Variants in KIF6 observed in about 807,000 individuals in gnomAD.
The protein encoded by KIF6 is kinesin family member 6, also known as kinesin-like protein KIF6.
Under a neutral mutation model 112.7 loss-of-function variants are expected in KIF6, and 106 were observed. The ratio of observed to expected loss-of-function variants is 0.94; its 90% CI spans 0.80 to 1.11. KIF6 has a LOEUF of 1.11. Among genes scored for constraint, KIF6 ranks in the 50% least tolerant of loss-of-function variants. The probability of loss-of-function intolerance (pLI) is 0.00; values close to 1 mark genes in which losing one functional copy is unlikely to be tolerated. For synonymous variants in KIF6, 339 were observed against 339.9 expected (o/e 1.00, Z 0.03); for missense variants, 929 against 964.0 (o/e 0.96, Z 0.48).
chr6:39,641,680 A>G (rs1784909805), intron 3 of KIF6, among the ~76,000 whole-genome samples: 1 of 152,108 alleles, frequency 6.6e-6, no homozygotes, highest in Non-Finnish European at 1.5e-5. Flanking sequence ...GAAACAAAAA[A>G]AAAAGGAAAA....
intron 3 of KIF6, among the ~76,000 whole-genome samples, chr6:39,659,250 G>T (rs1355139082): frequency 1.3e-5 from 2 of 152,142 alleles, no homozygotes; most frequent in African/African-American, 4.8e-5. Flanking sequence ...TTACTGAAGA[G>T]TATCTGGGCC....
At chr6:39,574,248 TAGTA>T in intron 10 of KIF6, among the ~76,000 whole-genome samples, 1 of 152,176 alleles carries the variant, frequency 6.6e-6, no homozygotes, top group East Asian at 1.9e-4. Flanking sequence ...TATTATACAA[TAGTA>T]AGAATCATAA....
intron 16 of KIF6, among the ~76,000 whole-genome samples, chr6:39,380,821 C>T (rs1766871751): frequency 6.6e-6 from 1 of 152,176 alleles, no homozygotes; most frequent in Non-Finnish European, 1.5e-5. Context: ...CAGATCACTT[C>T]AAAAGCACAG....
intron 15 of KIF6, among the ~76,000 whole-genome samples, chr6:39,390,611 G>C (rs35376357): frequency 0.036 from 5,490 of 152,214 alleles, 176 homozygotes; most frequent in Non-Finnish European, 0.048. Context: ...CTGGGGTCCT[G>C]GGTAATTACT....
At chr6:39,354,086 C>T (rs150752234) in intron 19 of KIF6, 284 of 336,770 alleles carry the variant, frequency 8.4e-4, no homozygotes, top group Admixed American at 2.9e-3. Context: ...TTTGCTCCCT[C>T]CTGTTGCAAC....
At chr6:39,511,218 G>C (rs1373356732) in intron 13 of KIF6, among the ~76,000 whole-genome samples, 1 of 152,106 alleles carries the variant, frequency 6.6e-6, no homozygotes, top group African/African-American at 2.4e-5. Flanking sequence ...GTAATATCCA[G>C]AATCTACAAA....
At chr6:39,646,966 C>T (rs1785200542) in intron 3 of KIF6, among the ~76,000 whole-genome samples, 1 of 152,076 alleles carries the variant, frequency 6.6e-6, no homozygotes, top group Non-Finnish European at 1.5e-5. Context: ...ATAAGCAGTC[C>T]CAAGGGGCAA....
chr6:39,578,240 ATTATGGACAATT>A (rs1199055243), intron 9 of KIF6, 81 bp from the exon 10 acceptor site: 59 of 875,794 alleles, frequency 6.7e-5, no homozygotes, highest in Non-Finnish European at 1.1e-4. Flanking sequence ...AGCTCTTAAA[ATTATGGACAATT>A]TTATGGACAC....
In KIF6 at chr6:39,720,784, A is replaced by C; in HGVS notation, c.94T>G (p.Leu32Val). The change falls in exon 2 of 23, where the codon TTA becomes GTA. Residue 32 changes from leucine (L) to valine (V), a missense_variant. Leu to Val is a conservative substitution (Grantham distance 32, BLOSUM62 1). Around this residue, in one of 2 missense-constraint regions of KIF6, gnomAD observed 688 missense variants for 662.7 expected, o/e 1.04. Coordinates refer to ENST00000287152, the MANE Select transcript of KIF6 (RefSeq NM_145027.6). ...AAGATGATTTCCAAGCTAGGTATTA[A>C]TTTTTCATCTTCATCTATGGAATAA... ...GIYSIDEDEK[L>V]IPSLEIILPR... 1 of 1,594,898 alleles carries C rather than the reference A, an allele frequency of 6.3e-7. No homozygotes were observed. Among genetic ancestry groups the C allele is most frequent in the Non-Finnish European group, 8.6e-7 (1 of 1,162,540 alleles).
intron 6 of KIF6, among the ~76,000 whole-genome samples, chr6:39,608,608 T>G (rs1162677879): frequency 1.3e-5 from 2 of 152,214 alleles, no homozygotes; most frequent in East Asian, 1.9e-4. Context: ...TATAAAGACC[T>G]CTAATCCCTC....
At chr6:39,562,703 T>C (rs1345143179) in intron 10 of KIF6, among the ~76,000 whole-genome samples, 2 of 152,188 alleles carry the variant, frequency 1.3e-5, no homozygotes, top group African/African-American at 4.8e-5. Context: ...GAAAATTATA[T>C]TAGACTACAT....
At chr6:39,542,635 C>T (rs894296224) in intron 12 of KIF6, among the ~76,000 whole-genome samples, 4 of 152,126 alleles carry the variant, frequency 2.6e-5, no homozygotes, top group Non-Finnish European at 2.9e-5. Flanking sequence ...TTTTCTTAGT[C>T]GTTGGTCTTT....
chr6:39,685,451 G>C (rs1417244224), intron 3 of KIF6, among the ~76,000 whole-genome samples: 1 of 152,194 alleles, frequency 6.6e-6, no homozygotes, highest in Non-Finnish European at 1.5e-5. Flanking sequence ...GTGAGAGCAA[G>C]GGAAGGGAAT....
intron 13 of KIF6, among the ~76,000 whole-genome samples, chr6:39,526,297 G>GT (rs1172776903): frequency 6.6e-6 from 1 of 152,158 alleles, no homozygotes; most frequent in Non-Finnish European, 1.5e-5. Flanking sequence ...TAGAATCTGT[G>GT]TTTTTTGTTC....
intron 19 of KIF6, among the ~76,000 whole-genome samples, chr6:39,354,702 G>T (rs1039010058): frequency 6.6e-6 from 1 of 152,172 alleles, no homozygotes; most frequent in African/African-American, 2.4e-5. Context: ...GTGGCCCACA[G>T]CAAGCAGCCT....
intron 15 of KIF6, among the ~76,000 whole-genome samples, chr6:39,418,401 T>C (rs797009749): frequency 2.8e-4 from 42 of 152,342 alleles, no homozygotes; most frequent in African/African-American, 9.9e-4. Flanking sequence ...GTTATCAAAA[T>C]TGTAAAACCT....
rs540392966 is a variant in KIF6, at chr6:39,632,135, C to T, written c.509+2714G>A. ...CAAAATCCACAGACAGTTTTATAGG[C>T]AAAAGTTCTGCAAGAGCAGGCAAGT... On this transcript the variant is annotated intron_variant, in intron 5 of 22. Coordinates refer to ENST00000287152, the MANE Select transcript of KIF6 (RefSeq NM_145027.6). 3.3e-5 allele frequency among the ~76,000 whole-genome samples: 5 copies of T among 151,398 alleles called. No homozygotes were observed. In the South Asian group the frequency reaches 1.0e-3, roughly 32 times the overall value.
At chr6:39,649,318 C>A (rs1785338149) in intron 3 of KIF6, among the ~76,000 whole-genome samples, 1 of 152,096 alleles carries the variant, frequency 6.6e-6, no homozygotes, top group South Asian at 2.1e-4. Context: ...CAACCTAAAC[C>A]AAATCATCAA....
chr6:39,552,770 T>C (rs374249344), intron 10 of KIF6, among the ~76,000 whole-genome samples: 4 of 152,172 alleles, frequency 2.6e-5, no homozygotes, highest in East Asian at 3.8e-4. Flanking sequence ...AAAGAGTTTT[T>C]AACAGGCTGA....
Sources: allele counts gnomAD v4.1 joint callset (sites outside exome capture counted in the v4.1 genomes callset), GRCh38; gene constraint gnomAD v4.1.1; regional missense constraint gnomAD v4.1.1; transcripts MANE v1.5; gene names NCBI Gene and HGNC (gene_info 2026-07-23, HGNC 2026-07-21).